Variants in DCDC1 observed in about 807,000 individuals in gnomAD.
DCDC1 encodes doublecortin domain-containing protein 1.
A neutral mutation model predicts 178.3 loss-of-function variants in DCDC1; 200 were observed. The ratio of observed to expected loss-of-function variants is 1.12; its 90% CI spans 1.00 to 1.26. DCDC1 has a LOEUF of 1.26. Among genes scored for constraint, DCDC1 ranks in the 50% most tolerant of loss-of-function variants. The pLI is 0.00. For synonymous variants in DCDC1, 690 were observed against 604.8 expected (o/e 1.14, Z -2.07); for missense variants, 1,983 against 1,749.2 (o/e 1.13, Z -2.38).
chr11:30,981,891 G>C (rs1231133968), intron 20 of DCDC1, among the ~76,000 whole-genome samples: 2 of 152,088 alleles, frequency 1.3e-5, no homozygotes, highest in East Asian at 1.9e-4. Flanking sequence ...GAGCCAAAAA[G>C]AGCCACCCAG....
chr11:31,103,584 T>A, intron 14 of DCDC1, 60 bp downstream of exon 14: 1 of 671,942 alleles, frequency 1.5e-6, no homozygotes, highest in South Asian at 1.7e-5. Context: ...TGAAAAATCC[T>A]GAATTAAGTG....
chr11:30,906,717 A>G lies in DCDC1; in HGVS notation c.3927T>C (p.Cys1309=). 6.2e-7 allele frequency: 1 copy of G among 1,612,558 alleles called. No individual in the cohort carries two copies. Among genetic ancestry groups the G allele is most frequent in the Non-Finnish European group, 8.5e-7 (1 of 1,179,124 alleles). ...TTCTCTTTCCATCAGGTGAGAGATA[A>G]CAGTATCCCTAAAATGGGAGACAAA... ...KEENIDQPGY[C]YLSPDGKRKT... is the part of the protein sequence containing the mutation. The change falls in exon 30 of 39, where the codon TGT becomes TGC. Residue 1309 remains cysteine, a synonymous_variant. Transcript: ENST00000684477.
At chr11:31,208,939 TC>T in intron 9 of DCDC1, among the ~76,000 whole-genome samples, 1 of 152,166 alleles carries the variant, frequency 6.6e-6, no homozygotes, top group South Asian at 2.1e-4. Context: ...CCTGAAATTA[TC>T]TTTTTTTTAT....
chr11:30,898,520 T>A (rs768295066), intron 34 of DCDC1, among the ~76,000 whole-genome samples: 1 of 151,992 alleles, frequency 6.6e-6, no homozygotes, highest in Non-Finnish European at 1.5e-5. Flanking sequence ...GACTTCCAGG[T>A]TTTTGAGGAG....
At chr11:31,080,899 G>A (rs565427797) in intron 17 of DCDC1, among the ~76,000 whole-genome samples, 40 of 152,170 alleles carry the variant, frequency 2.6e-4, no homozygotes, top group Non-Finnish European at 5.4e-4. Flanking sequence ...TCTGCAATTG[G>A]CAATTAATAA....
At chr11:31,149,121 G>A (rs549905352) in intron 9 of DCDC1, among the ~76,000 whole-genome samples, 23 of 152,232 alleles carry the variant, frequency 1.5e-4, no homozygotes, top group Admixed American at 4.6e-4. Context: ...TATATACCAC[G>A]TTTTCTTAAT....
chr11:31,316,284 G>A (rs976405178), intron 3 of DCDC1, among the ~76,000 whole-genome samples: 5 of 121,598 alleles, frequency 4.1e-5, no homozygotes, highest in East Asian at 4.6e-4. Flanking sequence ...GTGTAAAAGT[G>A]TTCCTATTTC....
intron 20 of DCDC1, among the ~76,000 whole-genome samples, chr11:31,044,384 G>T (rs1019513140): frequency 6.6e-6 from 1 of 150,996 alleles, no homozygotes; most frequent in African/African-American, 2.4e-5. Flanking sequence ...GGCTGAGGCA[G>T]GAGAATGGGC....
chr11:30,920,009 A>C (rs1346910664), intron 25 of DCDC1, among the ~76,000 whole-genome samples: 4 of 152,202 alleles, frequency 2.6e-5, no homozygotes, highest in Non-Finnish European at 5.9e-5. Flanking sequence ...TTCAATGCTA[A>C]AGTATCATTC....
chr11:31,198,383 G>A (rs1483907717), intron 9 of DCDC1, among the ~76,000 whole-genome samples: 1 of 151,994 alleles, frequency 6.6e-6, no homozygotes, highest in African/African-American at 2.4e-5. Flanking sequence ...TTTTTTGCTA[G>A]CAAGTATAGA....
At chr11:30,903,730 T>C (rs768574407) in intron 31 of DCDC1, 47 bp from the exon 32 acceptor site, 20 of 1,425,620 alleles carry the variant, frequency 1.4e-5, no homozygotes, top group East Asian at 9.7e-5. Flanking sequence ...GGTGATAGCA[T>C]TGGGAATGAT....
intron 20 of DCDC1, among the ~76,000 whole-genome samples, chr11:31,005,951 T>TC (rs1951816666): frequency 1.1e-5 from 1 of 93,582 alleles, no homozygotes; most frequent in Non-Finnish European, 2.1e-5. Context: ...CTCTTATTCC[T>TC]GAAAAAAAAA....
At chr11:31,030,541 T>C (rs1246163266) in intron 20 of DCDC1, among the ~76,000 whole-genome samples, 1 of 152,220 alleles carries the variant, frequency 6.6e-6, no homozygotes, top group African/African-American at 2.4e-5. Context: ...GGCCCCCAGC[T>C]GAGTTGCATT....
Position 31,080,105 on chromosome 11 carries a change from G to A in DCDC1, c.2238-2180C>T, listed in dbSNP as rs550368871. Among the ~76,000 whole-genome samples the A allele has an allele frequency of 2.0e-5, 3 of 152,250 alleles. No homozygotes were observed. The East Asian group carries it at 5.8e-4, about 29-fold the overall frequency. ...TATTGGGGGAAGTTGTCTTTCTGAG[G>A]ATCTTTCTATATTATAATTAATAAA... On this transcript the variant is annotated intron_variant, in intron 17 of 38. Coordinates refer to ENST00000684477, the MANE Select transcript of DCDC1 (RefSeq NM_001387274.1).
chr11:31,187,352 C>G (rs1409382824), intron 9 of DCDC1, among the ~76,000 whole-genome samples: 1 of 152,110 alleles, frequency 6.6e-6, no homozygotes, highest in Non-Finnish European at 1.5e-5. Flanking sequence ...TAGCATAATA[C>G]CTAGCATACA....
In DCDC1 at chr11:31,102,269, C is replaced by T. The variant is rs1234197797; in HGVS notation, c.1891G>A (p.Glu631Lys). ...CAGTTGAAATTAATTGGAAATCCCT[C>T]ACAAACTTCCCAACTAAGAAAAGTA... The part of the protein sequence containing the change: ...LPGCGNWEVC[E>K]GFPINFNCTS... The change falls in exon 15 of 39, where the codon GAG becomes AAG. Residue 631 changes from glutamate (E) to lysine (K), a missense_variant. Glu to Lys is a moderately conservative substitution (Grantham distance 56). Transcript: ENST00000684477. 1.4e-6 allele frequency: 1 copy of T among 709,352 alleles called. No homozygotes were observed. The highest frequency in any genetic ancestry group is 2.6e-6 in the Non-Finnish European group (1 of 383,042). The allele number at this position is 709,352 out of a possible 1,614,324, so 43.9% of individuals were successfully genotyped here.
chr11:31,250,001 T>C (rs560754983), intron 8 of DCDC1, among the ~76,000 whole-genome samples: 2 of 152,004 alleles, frequency 1.3e-5, no homozygotes, highest in African/African-American at 4.8e-5. Flanking sequence ...TGGAGAGAGA[T>C]TCAAGCTCCC....
Position 30,864,331 on chromosome 11 carries a change from A to T in DCDC1, c.*1042T>A, listed in dbSNP as rs1940824626. On this transcript the variant is annotated 3_prime_UTR_variant, in exon 39 of 39. Transcript: ENST00000684477. ...GGATTTGAAACCAATATGTATAATC[A>T]TCAAAGATATATTTTAAGGATATAA... 1 of 152,228 alleles carries T rather than the reference A, an allele frequency of 6.6e-6. No homozygotes were observed. The highest frequency in any genetic ancestry group is 2.4e-5 in the African/African-American group (1 of 41,464). 9.4% of individuals were successfully genotyped at this position (152,228 alleles called of 1,614,324 possible).
chr11:31,282,035 G>A (rs1057023876), intron 7 of DCDC1, among the ~76,000 whole-genome samples: 2 of 152,054 alleles, frequency 1.3e-5, no homozygotes, highest in African/African-American at 4.8e-5. Flanking sequence ...ATGATTAGGA[G>A]GATATTGGTA....
Sources: gnomAD v4.1 joint callset for allele counts (sites outside exome capture counted in the v4.1 genomes callset) on GRCh38, gnomAD v4.1.1 for gene constraint, MANE v1.5 for transcripts, NCBI Gene and HGNC (gene_info 2026-07-23, HGNC 2026-07-21) for gene names.